ABI3BP: variants seen among roughly 807,000 people sequenced by gnomAD.
ABI3BP encodes the protein target of Nesh-SH3.
A neutral mutation model predicts 268.6 loss-of-function variants in ABI3BP; 216 were observed. The observed-to-expected ratio is 0.80, with a 90% CI of 0.72 to 0.90. ABI3BP has a LOEUF of 0.90. Ranked by LOEUF, ABI3BP falls within the 40% of genes least tolerant of loss-of-function variation. The pLI is 0.00. For missense variants in ABI3BP, 2,090 were observed against 2,182.4 expected (o/e 0.96, Z 0.84); for synonymous variants, 730 against 730.0 (o/e 1.00, Z 0.00).
chr3:100,894,715 A>C (rs544175532), intron 4 of ABI3BP, among the ~76,000 whole-genome samples: 16 of 151,978 alleles, frequency 1.1e-4, no homozygotes, highest in Non-Finnish European at 2.1e-4. Flanking sequence ...CAAGGAGGGC[A>C]GATCACGAGG....
chr3:100,840,569 T>A (rs1343843722), intron 22 of ABI3BP, among the ~76,000 whole-genome samples: 1 of 152,194 alleles, frequency 6.6e-6, no homozygotes, highest in Non-Finnish European at 1.5e-5. Flanking sequence ...ATTTAAAATA[T>A]CCACAAATCA....
intron 67 of ABI3BP, 148 bp from the exon 68 acceptor site, chr3:100,750,758 G>GT (rs1377831476): frequency 1.2e-5 from 7 of 602,498 alleles, no homozygotes; most frequent in South Asian, 4.4e-5. Context: ...AAGTTCTGGT[G>GT]TTTTTTCCTG....
chr3:100,840,208 T>C (rs2098671370), intron 22 of ABI3BP, 44 bp from the exon 23 acceptor site: 1 of 1,365,128 alleles, frequency 7.3e-7, no homozygotes, highest in Non-Finnish European at 9.9e-7. Context: ...AGGGTGGATT[T>C]ACAAACTGAT....
chr3:100,967,440 G>C (rs1308390054), intron 1 of ABI3BP, among the ~76,000 whole-genome samples: 1 of 151,512 alleles, frequency 6.6e-6, no homozygotes, highest in East Asian at 1.9e-4. Context: ...GAAGGAGGAG[G>C]TTGCAGTGAG....
chr3:100,905,414 T>TA lies in ABI3BP; in HGVS notation c.260-2729dup, dbSNP rs1002425156. ...TACCCTAAAACTTAAAGTATAATAA[T>TA]AAAAAAAAGAAATACGAATGACCAA... On this transcript the variant is annotated intron_variant, in intron 2 of 67. Coordinates refer to ENST00000471714, the MANE Select transcript of ABI3BP (RefSeq NM_001375547.2). 4.6e-5 allele frequency among the ~76,000 whole-genome samples: 7 copies of TA among 151,446 alleles called. No homozygotes were observed. In the East Asian group the frequency reaches 5.8e-4, roughly 13 times the overall value.
intron 51 of ABI3BP, among the ~76,000 whole-genome samples, chr3:100,800,474 T>A (rs2097501203): frequency 6.6e-6 from 1 of 152,170 alleles, no homozygotes; most frequent in Non-Finnish European, 1.5e-5. Context: ...TGAGTCATGC[T>A]GTTTCTCAGC....
intron 9 of ABI3BP, among the ~76,000 whole-genome samples, chr3:100,872,142 C>T (rs1223406536): frequency 6.6e-6 from 1 of 152,148 alleles, no homozygotes; most frequent in African/African-American, 2.4e-5. Context: ...CCCCATCTTG[C>T]CCATGTATTC....
intron 2 of ABI3BP, among the ~76,000 whole-genome samples, chr3:100,912,662 A>G (rs2057173049): frequency 6.6e-6 from 1 of 152,164 alleles, no homozygotes; most frequent in African/African-American, 2.4e-5. Flanking sequence ...GAGCGGGTAT[A>G]ATCTAAATTT....
At chr3:100,988,518 A>G (rs1036403910) in intron 1 of ABI3BP, among the ~76,000 whole-genome samples, 7 of 152,076 alleles carry the variant, frequency 4.6e-5, no homozygotes, top group African/African-American at 1.7e-4. Flanking sequence ...ACCTCTCAGC[A>G]ATCCTTCTCC....
chr3:100,928,709 A>G lies in ABI3BP; in HGVS notation c.80-2228T>C, dbSNP rs2062651719. 3.3e-5 allele frequency among the ~76,000 whole-genome samples: 5 copies of G among 152,098 alleles called. No individual in the cohort carries two copies. The South Asian group carries it at 1.0e-3, about 32-fold the overall frequency. ...TATCCAAAATCTGAAAAGGGACCTT[A>G]CAAATCAGCTAGTATAATTCCTCCA... On this transcript the variant is annotated intron_variant, in intron 1 of 67. Coordinates refer to ENST00000471714, the MANE Select transcript of ABI3BP (RefSeq NM_001375547.2).
At chr3:100,904,937 T>G (rs1260157768) in intron 2 of ABI3BP, among the ~76,000 whole-genome samples, 1 of 152,232 alleles carries the variant, frequency 6.6e-6, no homozygotes, top group Non-Finnish European at 1.5e-5. Context: ...TTATAAATCA[T>G]GCTGCTATAA....
chr3:100,984,735 T>C (rs2091043000), intron 1 of ABI3BP, among the ~76,000 whole-genome samples: 1 of 152,204 alleles, frequency 6.6e-6, no homozygotes, highest in African/African-American at 2.4e-5. Context: ...AGTACTGATT[T>C]AGTCTTGCTG....
rs2098201313 is a variant in ABI3BP at position 100,820,968 on chromosome 3, A to G, written c.2947+86T>C. On this transcript the variant is annotated intron_variant, in intron 39 of 67. Coordinates refer to ENST00000471714, the MANE Select transcript of ABI3BP (RefSeq NM_001375547.2). ...AGAGAATGATGATGTAGTCTTGAAA[A>G]GCATAAGAATCTGCGGCTATGATGA... is the stretch of plus-strand genomic sequence containing the variant. 3 of 1,120,190 alleles carry G rather than the reference A, an allele frequency of 2.7e-6. No individual in the cohort carries two copies. The African/African-American group carries it at 4.7e-5, about 17-fold the overall frequency. The allele number at this position is 1,120,190 out of a possible 1,614,324, so 69.4% of individuals were successfully genotyped here.
At chr3:100,861,886 T>C (rs2099002974) in intron 14 of ABI3BP, among the ~76,000 whole-genome samples, 1 of 152,208 alleles carries the variant, frequency 6.6e-6, no homozygotes, top group Non-Finnish European at 1.5e-5. Context: ...CTTACTATAC[T>C]ATCTTCACAT....
intron 14 of ABI3BP, among the ~76,000 whole-genome samples, chr3:100,856,376 G>C (rs2098940176): frequency 6.6e-6 from 1 of 152,158 alleles, no homozygotes; most frequent in Non-Finnish European, 1.5e-5. Context: ...AAAATAATTA[G>C]TGATGACCTC....
In ABI3BP at chr3:100,750,577, T is replaced by C. The variant is rs377179138; in HGVS notation, c.5279A>G (p.Gln1760Arg). The C allele has an allele frequency of 2.7e-4, 433 of 1,613,218 alleles. 1 individual carries two copies. Among genetic ancestry groups the C allele is most frequent in the South Asian group, 2.2e-3 (204 of 91,018 alleles). ...GGTGTGACCACCTATTTCTCCAAAT[T>C]GGACAGGTTCCTGGCGAACTGCTCT... Reference protein sequence around the residue: ...YFRAVRQEPVQFGEIGGHTQI... With the variant: ...YFRAVRQEPVRFGEIGGHTQI... The change falls in exon 68 of 68, where the codon CAA (glutamine) becomes CGA (arginine). Residue 1760 changes from glutamine (Q) to arginine (R), a missense_variant. Physicochemically the swap from Gln to Arg is conservative, Grantham distance 43. Coordinates refer to ENST00000471714, the MANE Select transcript of ABI3BP (RefSeq NM_001375547.2).
At chr3:100,857,564 T>C (rs1271785610) in intron 14 of ABI3BP, among the ~76,000 whole-genome samples, 2 of 152,310 alleles carry the variant, frequency 1.3e-5, no homozygotes, top group East Asian at 3.9e-4. Context: ...TCATGTGATG[T>C]TTCTTATACA....
At chr3:100,925,501 C>T (rs1561719108) in intron 2 of ABI3BP, among the ~76,000 whole-genome samples, 1 of 152,074 alleles carries the variant, frequency 6.6e-6, no homozygotes, top group Non-Finnish European at 1.5e-5. Context: ...CAGCCTCAGC[C>T]TCCCCATGCT....
intron 58 of ABI3BP, among the ~76,000 whole-genome samples, chr3:100,779,563 T>C (rs569111591): frequency 6.6e-6 from 1 of 152,276 alleles, no homozygotes; most frequent in East Asian, 1.9e-4. Context: ...CAAGAAAAAT[T>C]GTTAATCCAG....
Sources: allele counts gnomAD v4.1 joint callset (sites outside exome capture counted in the v4.1 genomes callset), GRCh38; gene constraint gnomAD v4.1.1; transcripts MANE v1.5; gene names NCBI Gene and HGNC (gene_info 2026-07-23, HGNC 2026-07-21).